Variants in DNMBP observed in about 807,000 individuals in gnomAD.
The protein encoded by DNMBP is dynamin-binding protein.
A neutral mutation model predicts 150.0 loss-of-function variants in DNMBP; 87 were observed. The ratio of observed to expected loss-of-function variants is 0.58; its 90% CI spans 0.49 to 0.69. The LOEUF is 0.69. Ranked by LOEUF, DNMBP falls within the 30% of genes least tolerant of loss-of-function variation. The pLI is 0.00. For missense variants in DNMBP, 1,774 were observed against 1,949.0 expected (o/e 0.91, Z 1.69); for synonymous variants, 711 against 750.4 (o/e 0.95, Z 0.86).
Position 99,880,187 on chromosome 10 carries a change from G to A in DNMBP, c.4172C>T (p.Ala1391Val). 1 of 1,614,212 alleles carries A rather than the reference G, an allele frequency of 6.2e-7. No individual in the cohort carries two copies. The highest frequency in any genetic ancestry group is 8.5e-7 in the Non-Finnish European group (1 of 1,180,022). Residue 1391 changes from alanine (A) to valine (V), a missense_variant, in exon 16 of 17, where the codon GCT (alanine) becomes GTT (valine). This residue lies in a region of DNMBP where 1,430 missense variants were observed against 1,492.5 expected (regional missense o/e 0.96). Coordinates refer to ENST00000324109, the MANE Select transcript of DNMBP (RefSeq NM_015221.4). ...GCAAGACCCCGAGGTAAAGGATACAGCCATGCTGCTGGGGTTGAAGGTCAG... is the reference window on the plus strand; with the variant it reads ...GCAAGACCCCGAGGTAAAGGATACAACCATGCTGCTGGGGTTGAAGGTCAG... ...STLTFNPSSM[A>V]VSFTSGSCQK...
intron 1 of DNMBP, among the ~76,000 whole-genome samples, chr10:99,987,778 T>C (rs968033377): frequency 6.6e-6 from 1 of 151,800 alleles, no homozygotes; most frequent in South Asian, 2.1e-4. Flanking sequence ...GGTGGGAGAT[T>C]TATATTACAG....
At chr10:100,004,898 T>C (rs181831895) in intron 1 of DNMBP, among the ~76,000 whole-genome samples, 1 of 152,218 alleles carries the variant, frequency 6.6e-6, no homozygotes, top group African/African-American at 2.4e-5. Flanking sequence ...ATACCTATAT[T>C]ATAAAATCAT....
intron 15 of DNMBP, among the ~76,000 whole-genome samples, chr10:99,881,830 A>C (rs915830376): frequency 6.6e-6 from 1 of 152,140 alleles, no homozygotes; most frequent in Non-Finnish European, 1.5e-5. Context: ...TTTTAAAGAA[A>C]CCAAGAAATG....
rs2040966662 is a variant in DNMBP at position 99,997,944 on chromosome 10, A to G, written c.-11+11894T>C. On this transcript the variant is annotated intron_variant, in intron 1 of 16. Transcript: ENST00000324109. ...CTCTGTCTCAAAAAAAAAAAAAAAA[A>G]AAAAAAAAAGCTGGACGCGGTGGCT... 2.7e-5 allele frequency among the ~76,000 whole-genome samples: 4 copies of G among 149,720 alleles called. No individual in the cohort carries two copies. In the South Asian group the frequency reaches 8.4e-4, roughly 32 times the overall value.
rs533352626 is a variant in DNMBP, at chr10:99,993,592, A to G, written c.-11+16246T>C. On this transcript the variant is annotated intron_variant, in intron 1 of 16. Coordinates refer to ENST00000324109, the MANE Select transcript of DNMBP (RefSeq NM_015221.4). ...CAAGGGGGTTGGATCACTTGAGGCCAGGAGTTCAAGACCAGTCTGGGCAAC... is the reference window on the plus strand; with the variant it reads ...CAAGGGGGTTGGATCACTTGAGGCCGGGAGTTCAAGACCAGTCTGGGCAAC... Among the ~76,000 whole-genome samples, 7 of 152,298 alleles carry G rather than the reference A, an allele frequency of 4.6e-5. No individual in the cohort carries two copies. The East Asian group carries it at 1.4e-3, about 29-fold the overall frequency.
In DNMBP at chr10:99,902,303, CTTTTTTTTT is replaced by C. The variant is rs34120125; in HGVS notation, c.2555-2246_2555-2238del. Reference sequence around the variant, plus strand: ...CCCTTTCTCACTGGAAGCCTCCCTTCTTTTTTTTTTTTTTTTTTTTTTTTGAGATGGAGT... The same window carrying C: ...CCCTTTCTCACTGGAAGCCTCCCTTCTTTTTTTTTTTTTTTGAGATGGAGT... On this transcript the variant is annotated intron_variant, in intron 6 of 16. Transcript: ENST00000324109. Among the ~76,000 whole-genome samples the C allele has an allele frequency of 5.5e-3, 459 of 82,782 alleles. 5 individuals are homozygous for C. Among genetic ancestry groups the C allele is most frequent in the African/African-American group, 0.016 (369 of 23,574 alleles). The allele number at this position is 82,782 out of a possible 152,430, so 54.3% of individuals were successfully genotyped here. A position where few individuals can be genotyped will look rare whatever the true frequency, so the allele number is the denominator to read the frequency against.
intron 1 of DNMBP, among the ~76,000 whole-genome samples, chr10:99,993,537 C>T (rs1200153305): frequency 1.3e-5 from 2 of 152,196 alleles, no homozygotes; most frequent in African/African-American, 4.8e-5. Flanking sequence ...CATGTTGGCT[C>T]ATGCCTGTAA....
At chr10:99,879,682 GGT>G in intron 16 of DNMBP, 127 bp downstream of exon 16, 1 of 1,455,728 alleles carries the variant, frequency 6.9e-7, no homozygotes, top group Non-Finnish European at 9.1e-7. Flanking sequence ...GTGCTTGAAA[GGT>G]GTGTCTGTGA....
At chr10:99,921,335 G>A (rs892129811) in intron 4 of DNMBP, among the ~76,000 whole-genome samples, 30 of 152,020 alleles carry the variant, frequency 2.0e-4, no homozygotes, top group African/African-American at 6.3e-4. Context: ...TCACCTCTTC[G>A]GCAACAGGTA....
Position 99,908,096 on chromosome 10 carries a change from T to C in DNMBP, c.2455-2A>G. 6.2e-7 allele frequency: 1 copy of C among 1,605,278 alleles called. No individual in the cohort carries two copies. The highest frequency in any genetic ancestry group is 8.5e-7 in the Non-Finnish European group (1 of 1,172,184). ...TCCCTCAAAATCAATGTTTGGTACCTGAGAAAAGGAAACAAAACATAAAAA... is the reference window on the plus strand; with the variant it reads ...TCCCTCAAAATCAATGTTTGGTACCCGAGAAAAGGAAACAAAACATAAAAA... On this transcript the variant is annotated splice_acceptor_variant, in intron 5 of 16. Coordinates refer to ENST00000324109, the MANE Select transcript of DNMBP (RefSeq NM_015221.4). LOFTEE classifies it high-confidence loss of function.
intron 4 of DNMBP, among the ~76,000 whole-genome samples, chr10:99,933,157 A>G (rs1402518997): frequency 6.6e-6 from 1 of 151,860 alleles, no homozygotes; most frequent in Non-Finnish European, 1.5e-5. Context: ...TTAGCTGGGC[A>G]CAGTGGCACA....
At chr10:99,969,272 C>A in intron 2 of DNMBP, 35 bp from the exon 3 acceptor site, 1 of 1,611,542 alleles carries the variant, frequency 6.2e-7, no homozygotes, top group Non-Finnish European at 8.5e-7. Context: ...AATTTTAATA[C>A]TGAGATTTCT....
At chr10:99,893,510 T>A (rs1229755421) in intron 11 of DNMBP, among the ~76,000 whole-genome samples, 1 of 151,934 alleles carries the variant, frequency 6.6e-6, no homozygotes, top group Admixed American at 6.6e-5. Flanking sequence ...CCAAGGTGGG[T>A]GGATCATGAA....
chr10:99,894,881 A>C, intron 11 of DNMBP, 65 bp downstream of exon 11: 1 of 1,241,186 alleles, frequency 8.1e-7, no homozygotes, highest in Non-Finnish European at 1.2e-6. Flanking sequence ...AATATGACTG[A>C]TGAACAGGAA....
intron 9 of DNMBP, 30 bp downstream of exon 9, chr10:99,898,056 C>T (rs764072823): frequency 2.8e-5 from 44 of 1,579,162 alleles, no homozygotes; most frequent in African/African-American, 5.4e-5. Context: ...AAAGGGCATA[C>T]CTCCTTTTCA....
At chr10:99,900,093 G>GTTT (rs1158770579) in intron 6 of DNMBP, 27 bp from the exon 7 acceptor site, 2 of 1,612,748 alleles carry the variant, frequency 1.2e-6, no homozygotes, top group Middle Eastern at 3.3e-4. Context: ...AACATACAGT[G>GTTT]TTTTTAGTAA....
intron 4 of DNMBP, chr10:99,930,235 A>G (rs530204385): frequency 1.7e-4 from 123 of 702,896 alleles, no homozygotes; most frequent in Non-Finnish European, 2.5e-4. Context: ...TCTATATACC[A>G]CAACTGAGGT....
Position 99,888,865 on chromosome 10 carries a change from C to T in DNMBP, c.3245G>A (p.Arg1082Lys). 2 of 1,614,140 alleles carry T rather than the reference C, an allele frequency of 1.2e-6. No individual in the cohort carries two copies. The highest frequency in any genetic ancestry group is 1.7e-6 in the Non-Finnish European group (2 of 1,180,036). The part of the protein sequence containing the change: ...RGHRDLEQFE[R>K]VHRYISDQLF... ...CTGGTCACTGATGTAGCGATGCACC[C>T]TCTCAAACTGCTCCAGGTCCCGGTG... Residue 1082 changes from arginine to lysine, a missense_variant, in exon 12 of 17, where the codon AGG becomes AAG. Arg to Lys is a conservative substitution (Grantham distance 26). This residue lies in a region of DNMBP where 1,430 missense variants were observed against 1,492.5 expected (regional missense o/e 0.96). Transcript: ENST00000324109.
At chr10:99,893,757 T>C (rs1399364477) in intron 11 of DNMBP, among the ~76,000 whole-genome samples, 1 of 152,060 alleles carries the variant, frequency 6.6e-6, no homozygotes, top group Non-Finnish European at 1.5e-5. Flanking sequence ...TCTGTGTGTA[T>C]GGCTACATCA....
Sources: allele counts gnomAD v4.1 joint callset (sites outside exome capture counted in the v4.1 genomes callset), GRCh38; gene constraint gnomAD v4.1.1; regional missense constraint gnomAD v4.1.1; transcripts MANE v1.5; gene names NCBI Gene and HGNC (gene_info 2026-07-23, HGNC 2026-07-21).